Variants in NBAS observed in about 807,000 individuals in gnomAD.
The protein encoded by NBAS is NAG/BC035112 fusion.
In NBAS, 219 loss-of-function variants were observed where a neutral mutation model predicts 302.5. That is an observed-to-expected ratio of 0.72 (90% CI 0.65 to 0.81). The LOEUF (loss-of-function observed/expected upper bound fraction) is 0.81, where lower values mean the gene tolerates loss of function less well. Among genes scored for constraint, NBAS ranks in the 30% least tolerant of loss-of-function variants. The pLI is 0.00. For missense variants in NBAS, 2,932 were observed against 2,841.6 expected (o/e 1.03, Z -0.72); for synonymous variants, 1,118 against 1,021.6 (o/e 1.09, Z -1.80).
At chr2:15,250,200 C>T (rs192380344) in intron 44 of NBAS, among the ~76,000 whole-genome samples, 5 of 152,136 alleles carry the variant, frequency 3.3e-5, no homozygotes, top group Admixed American at 3.3e-4. Context: ...CTGACAGAAA[C>T]AAGCAATGGG....
the NBAS span, among the ~76,000 whole-genome samples, chr2:15,038,900 A>C: frequency 1.3e-5 from 2 of 152,204 alleles, no homozygotes; most frequent in African/African-American, 4.8e-5. Context: ...GTCTTCTGCA[A>C]ATTTTACCAA....
At chr2:15,560,870 C>A (rs1664879518) in intron 1 of NBAS, among the ~76,000 whole-genome samples, 1 of 152,072 alleles carries the variant, frequency 6.6e-6, no homozygotes, top group Non-Finnish European at 1.5e-5. Context: ...ATACAGAGAG[C>A]GACACTAACA....
At chr2:14,800,051 T>A in the NBAS span, among the ~76,000 whole-genome samples, 2 of 152,252 alleles carry the variant, frequency 1.3e-5, no homozygotes, top group East Asian at 3.8e-4. Flanking sequence ...CTAGCATGTA[T>A]GTGCTTATCA....
intron 10 of NBAS, among the ~76,000 whole-genome samples, chr2:15,504,547 A>C: frequency 6.6e-6 from 1 of 152,206 alleles, no homozygotes; most frequent in Admixed American, 6.5e-5. Context: ...TCAGTATAGA[A>C]AAAGCTAAAA....
chr2:15,148,226 G>T, the NBAS span, among the ~76,000 whole-genome samples: 3 of 152,130 alleles, frequency 2.0e-5, no homozygotes, highest in African/African-American at 7.2e-5. Context: ...AACTCTTATT[G>T]CACAGTGTCA....
intron 35 of NBAS, among the ~76,000 whole-genome samples, chr2:15,350,497 G>A (rs1010700711): frequency 3.3e-5 from 5 of 152,094 alleles, no homozygotes; most frequent in South Asian, 4.1e-4. Context: ...CTAATTCTAC[G>A]TTTCTAGAAA....
intron 48 of NBAS, among the ~76,000 whole-genome samples, chr2:15,210,784 T>TTCAGCCATTAC (rs1666370103): frequency 6.6e-6 from 1 of 152,178 alleles, no homozygotes; most frequent in Non-Finnish European, 1.5e-5. Context: ...TGGAGTACTA[T>TTCAGCCATTAC]TCAGCCATAA....
At chr2:15,328,645 G>C (rs974949006) in intron 36 of NBAS, among the ~76,000 whole-genome samples, 2 of 152,160 alleles carry the variant, frequency 1.3e-5, no homozygotes, top group Non-Finnish European at 2.9e-5. Flanking sequence ...TTATACTACA[G>C]TCAGAATAAC....
intron 38 of NBAS, among the ~76,000 whole-genome samples, chr2:15,312,460 A>G (rs1209741864): frequency 6.6e-6 from 1 of 152,062 alleles, no homozygotes. Context: ...ATTTTTTTAT[A>G]GAGACGGAGT....
In NBAS at chr2:15,394,247, C is replaced by G. The variant is rs1197082157; in HGVS notation, c.3237G>C (p.Leu1079Phe). Reference sequence around the variant, plus strand: ...CTCACTTCCGGCCAGTGTGCCTCGTCAATCTAACCATCAGCTTGCGTGCCT... The same window carrying G: ...CTCACTTCCGGCCAGTGTGCCTCGTGAATCTAACCATCAGCTTGCGTGCCT... ...SEEARKLMVR[L>F]TRHTGRKQPP... The change falls in exon 28 of 52, where the codon TTG (leucine) becomes TTC (phenylalanine). Residue 1079 changes from leucine (L) to phenylalanine (F), a missense_variant. Coordinates refer to ENST00000281513, the MANE Select transcript of NBAS (RefSeq NM_015909.4). 6.2e-7 allele frequency: 1 copy of G among 1,610,950 alleles called. No individual in the cohort carries two copies. The highest frequency in any genetic ancestry group is 8.5e-7 in the Non-Finnish European group (1 of 1,178,236).
At chr2:14,848,092 G>C in the NBAS span, among the ~76,000 whole-genome samples, 4 of 151,800 alleles carry the variant, frequency 2.6e-5, no homozygotes, top group Non-Finnish European at 5.9e-5. Context: ...GGCCGAATAG[G>C]AACAGCTCCA....
At chr2:15,223,493 G>A (rs1275692086) in intron 47 of NBAS, among the ~76,000 whole-genome samples, 1 of 152,042 alleles carries the variant, frequency 6.6e-6, no homozygotes, top group African/African-American at 2.4e-5. Context: ...GACTTAATGA[G>A]CTTAAAAATT....
At chr2:15,372,773 G>T (rs1250894115) in intron 31 of NBAS, among the ~76,000 whole-genome samples, 2 of 152,140 alleles carry the variant, frequency 1.3e-5, no homozygotes, top group Non-Finnish European at 2.9e-5. Context: ...CAGCGGTTTT[G>T]GTTGCAGGTA....
chr2:15,125,969 TG>T, the NBAS span, among the ~76,000 whole-genome samples: 1 of 152,182 alleles, frequency 6.6e-6, no homozygotes, highest in Non-Finnish European at 1.5e-5. Flanking sequence ...TTTGGGGGAC[TG>T]GGGCAGAATA....
the NBAS span, among the ~76,000 whole-genome samples, chr2:15,059,762 T>G: frequency 6.6e-6 from 1 of 152,124 alleles, no homozygotes; most frequent in Non-Finnish European, 1.5e-5. Flanking sequence ...AGAGAAGACT[T>G]GGGCTGAAAA....
the NBAS span, among the ~76,000 whole-genome samples, chr2:14,876,386 C>T: frequency 6.6e-6 from 1 of 152,198 alleles, no homozygotes; most frequent in East Asian, 1.9e-4. Flanking sequence ...CCTTATGTCT[C>T]CACTCTAACA....
At chr2:15,473,485 G>T in intron 15 of NBAS, 138 bp from the exon 16 acceptor site, 1 of 1,105,738 alleles carries the variant, frequency 9.0e-7, no homozygotes. Context: ...GGCACCAGAA[G>T]CTCACAGATA....
chr2:15,113,728 AT>A, the NBAS span, among the ~76,000 whole-genome samples: 268 of 152,236 alleles, frequency 1.8e-3, 3 homozygotes, highest in African/African-American at 6.1e-3. Flanking sequence ...TAATTTGAAA[AT>A]TACTAAATAA....
the NBAS span, among the ~76,000 whole-genome samples, chr2:15,135,867 TAAA>T: frequency 5.2e-4 from 69 of 132,378 alleles, no homozygotes; most frequent in Middle Eastern, 4.1e-3. Flanking sequence ...GCTGATGAGC[TAAA>T]AAAAAAAAAA....
Sources: gnomAD v4.1 joint callset for allele counts (sites outside exome capture counted in the v4.1 genomes callset) on GRCh38, gnomAD v4.1.1 for gene constraint, MANE v1.5 for transcripts, NCBI Gene and HGNC (gene_info 2026-07-23, HGNC 2026-07-21) for gene names.